Variants in BRD1 observed in about 807,000 individuals in gnomAD.
BRD1 encodes bromodomain containing 1.
Under a neutral mutation model 107.7 loss-of-function variants are expected in BRD1, and 24 were observed. The ratio of observed to expected loss-of-function variants is 0.22; its 90% confidence interval spans 0.16 to 0.31. The LOEUF (loss-of-function observed/expected upper bound fraction) is 0.31, where lower values mean the gene tolerates loss of function less well. Among genes scored for constraint, BRD1 ranks in the 10% least tolerant of loss-of-function variants. BRD1 has a pLI of 1.00. For missense variants in BRD1, 1,279 were observed against 1,638.6 expected, an observed-to-expected ratio of 0.78 and a Z score of 3.79; for synonymous variants, 744 against 686.1, an observed-to-expected ratio of 1.08 and a Z score of -1.32.
chr22:49,775,821 C>CGCCG (rs1569079628), intron 11 of BRD1, 76 bp from the exon 12 acceptor site: 1 of 1,350,896 alleles, frequency 7.4e-7, no homozygotes, highest in African/African-American at 2.1e-5. Context: ...TGGCACCCCC[C>CGCCG]CCCGCCTCCC....
rs138513611 is a variant in BRD1 at position 49,781,440 on chromosome 22, C to T, written c.2858-3627G>A. Among the ~76,000 whole-genome samples the T allele has an allele frequency of 4.5e-3, 691 of 152,338 alleles. 4 individuals are homozygous for T. Among genetic ancestry groups the T allele is most frequent in the African/African-American group, 0.016 (655 of 41,584 alleles). On this transcript the variant is annotated intron_variant, in intron 8 of 12. Transcript: ENST00000404760. ...AGGCCTGCAGGTCTGACTGATGGGCCGTAGTCTCCTCTGGTCTCAGGCTCC... is the reference window on the plus strand; with the variant it reads ...AGGCCTGCAGGTCTGACTGATGGGCTGTAGTCTCCTCTGGTCTCAGGCTCC...
intron 2 of BRD1, among the ~76,000 whole-genome samples, chr22:49,822,737 A>G (rs574015877): frequency 2.0e-4 from 31 of 152,238 alleles, no homozygotes; most frequent in Non-Finnish European, 4.0e-4. Flanking sequence ...AAAACTACAG[A>G]TTATTCCAAG....
intron 3 of BRD1, among the ~76,000 whole-genome samples, chr22:49,800,626 A>G (rs1035115021): frequency 2.0e-5 from 3 of 152,068 alleles, no homozygotes; most frequent in South Asian, 4.2e-4. Flanking sequence ...CTGCTCCCCA[A>G]CCTGGTTTAA....
intron 4 of BRD1, 135 bp from the exon 5 acceptor site, chr22:49,798,821 T>G: frequency 7.0e-7 from 1 of 1,434,426 alleles, no homozygotes; most frequent in Non-Finnish European, 9.1e-7. Flanking sequence ...CAGCCTCCAC[T>G]TAGGGCTCTG....
intron 7 of BRD1, among the ~76,000 whole-genome samples, chr22:49,790,600 G>T (rs2059415823): frequency 6.6e-6 from 1 of 152,146 alleles, no homozygotes; most frequent in African/African-American, 2.4e-5. Context: ...GCAATATTTT[G>T]CCCACCTGGC....
rs1476655138 is a variant in BRD1 at position 49,823,628 on chromosome 22, C to T, written c.690G>A (p.Val230=). The T allele has an allele frequency of 1.2e-6, 2 of 1,611,856 alleles. No individual in the cohort carries two copies. The highest frequency in any genetic ancestry group is 3.3e-5 in the Admixed American group (2 of 59,970). The part of the protein sequence containing the change: ...CMDGECQNSN[V]ILFCDMCNLA... ...GGTTGCACATGTCGCAGAAGAGGAT[C>T]ACGTTGCTGTTCTGACACTCCCCGT... Residue 230 remains valine, a synonymous_variant, in exon 2 of 13, where the codon GTG becomes GTA. Coordinates refer to ENST00000404760, the MANE Select transcript of BRD1 (RefSeq NM_001304808.3).
At chr22:49,809,541 C>CA (rs138862) in intron 2 of BRD1, among the ~76,000 whole-genome samples, 3,137 of 146,180 alleles carry the variant, frequency 0.021, 306 homozygotes, top group Admixed American at 0.17. Flanking sequence ...ACTTCGTCTC[C>CA]AAAAAAAATA....
In BRD1 at chr22:49,818,255, C is replaced by T. The variant is rs1447093101; in HGVS notation, c.1367+4696G>A. On this transcript the variant is annotated intron_variant, in intron 2 of 12. Coordinates refer to ENST00000404760, the MANE Select transcript of BRD1 (RefSeq NM_001304808.3). ...GGTTCTTGTCCGTGAGGCTGAAGTC[C>T]AGGCTCTCGTAGTAGAGGAGCTCCT... The T allele has an allele frequency of 4.2e-5, 52 of 1,251,818 alleles. 1 individual carries two copies. The highest frequency in any genetic ancestry group is 5.4e-5 in the Non-Finnish European group (52 of 966,126). The allele number at this position is 1,251,818 out of a possible 1,614,324, so 77.5% of individuals were successfully genotyped here. A position where few individuals can be genotyped will look rare whatever the true frequency, so the allele number is the denominator to read the frequency against.
At chr22:49,801,351 G>A (rs1045228852) in intron 3 of BRD1, among the ~76,000 whole-genome samples, 1 of 152,112 alleles carries the variant, frequency 6.6e-6, no homozygotes, top group East Asian at 1.9e-4. Context: ...AGCACCCTCG[G>A]CGCCTGCTGG....
chr22:49,806,949 G>C (rs1443044650), intron 2 of BRD1: 1 of 149,674 alleles, frequency 6.7e-6, no homozygotes, highest in Non-Finnish European at 1.5e-5. Context: ...AATGAGCCAA[G>C]ATCGCACCAT....
chr22:49,823,936 T>C lies in BRD1; in HGVS notation c.382A>G (p.Ser128Gly). 6.2e-7 allele frequency: 1 copy of C among 1,614,198 alleles called. No homozygotes were observed. The change falls in exon 2 of 13, where the codon AGC becomes GGC. Residue 128 changes from serine to glycine, a missense_variant. Coordinates refer to ENST00000404760, the MANE Select transcript of BRD1 (RefSeq NM_001304808.3). Reference sequence around the variant, plus strand: ...GGCCTCCTGGGGGCGGACGGAGGGCTGTACTCCACGATGCGCACCTTGGGC... The same window carrying C: ...GGCCTCCTGGGGGCGGACGGAGGGCCGTACTCCACGATGCGCACCTTGGGC... ...PEPKVRIVEY[S>G]PPSAPRRPPV...
intron 8 of BRD1, among the ~76,000 whole-genome samples, chr22:49,780,348 C>T (rs557907023): frequency 1.3e-5 from 2 of 152,332 alleles, no homozygotes; most frequent in South Asian, 2.1e-4. Flanking sequence ...TCAGTGAGTG[C>T]GCGTATGACG....
chr22:49,798,783 T>A, intron 4 of BRD1, 97 bp from the exon 5 acceptor site: 1 of 1,456,656 alleles, frequency 6.9e-7, no homozygotes, highest in Non-Finnish European at 9.0e-7. Context: ...CACAGGCTCC[T>A]GTGCTTCCGT....
intron 2 of BRD1, among the ~76,000 whole-genome samples, chr22:49,814,948 G>A (rs1305702092): frequency 6.6e-6 from 1 of 152,190 alleles, no homozygotes; most frequent in African/African-American, 2.4e-5. Flanking sequence ...GGTGCTTCAG[G>A]GAAGAGAACC....
chr22:49,810,396 CCTA>C (rs2059828165), intron 2 of BRD1, among the ~76,000 whole-genome samples: 1 of 152,084 alleles, frequency 6.6e-6, no homozygotes, highest in Non-Finnish European at 1.5e-5. Flanking sequence ...AAATAAAACT[CCTA>C]TTAAAAGACC....
At chr22:49,804,860 A>G (rs894903598) in intron 2 of BRD1, among the ~76,000 whole-genome samples, 3 of 152,086 alleles carry the variant, frequency 2.0e-5, no homozygotes, top group African/African-American at 7.2e-5. Context: ...CAAAAATAAA[A>G]TTAAAAAAAA....
intron 8 of BRD1, among the ~76,000 whole-genome samples, chr22:49,785,648 C>T (rs1389257671): frequency 2.6e-5 from 4 of 152,202 alleles, no homozygotes. Flanking sequence ...TCAATAGCTT[C>T]CTATTACTTA....
rs561713080 is a variant in BRD1 at position 49,776,119 on chromosome 22, G to A, written c.3162C>T (p.Ala1054=). 5.5e-5 allele frequency: 88 copies of A among 1,605,514 alleles called. No individual in the cohort carries two copies. The highest frequency in any genetic ancestry group is 4.0e-4 in the South Asian group (36 of 90,918). ...QSSMWISTDA[A]ASVLEPLKVV... ...CCTTCAGAGGCTCCAGCACCGAGGC[G>A]GCGGCATCAGTGGAGATCCACATGC... is the stretch of plus-strand genomic sequence containing the variant. Residue 1054 remains alanine (A), a synonymous_variant, in exon 11 of 13, where the codon GCC becomes GCT. Coordinates refer to ENST00000404760, the MANE Select transcript of BRD1 (RefSeq NM_001304808.3).
Position 49,822,876 on chromosome 22 carries a change from T to C in BRD1, c.1367+75A>G, listed in dbSNP as rs927176308. The stretch of plus-strand genomic sequence containing the variant: ...CGCAATGACCACACAGCACGGGCCC[T>C]GCAGGCTGTGCCCACGTCCTCCCAG... On this transcript the variant is annotated intron_variant, in intron 2 of 12. Coordinates refer to ENST00000404760, the MANE Select transcript of BRD1 (RefSeq NM_001304808.3). 3.3e-6 allele frequency: 5 copies of C among 1,529,136 alleles called. No individual in the cohort carries two copies. In the Admixed American group the frequency reaches 5.8e-5, roughly 18 times the overall value. The allele number at this position is 1,529,136 out of a possible 1,614,324, so 94.7% of individuals were successfully genotyped here.
Sources: gnomAD v4.1 joint callset for allele counts (sites outside exome capture counted in the v4.1 genomes callset) on GRCh38, gnomAD v4.1.1 for gene constraint, MANE v1.5 for transcripts, NCBI Gene and HGNC (gene_info 2026-07-23, HGNC 2026-07-21) for gene names.